The following TRAM2 variants were observed in gnomAD, a reference collection of about 807,000 sequenced individuals.
TRAM2 encodes translocating chain-associated membrane protein 2.
TRAM2 carries 12 observed loss-of-function variants against 51.0 expected under a neutral mutation model. That is an observed-to-expected ratio of 0.24 (90% CI 0.15 to 0.38). TRAM2 has a LOEUF of 0.38. Ranked by LOEUF, TRAM2 falls within the 10% of genes least tolerant of loss-of-function variation. TRAM2 has a pLI of 1.00. For synonymous variants in TRAM2, 175 were observed against 179.4 expected (o/e 0.98, Z 0.20); for missense variants, 361 against 462.0 (o/e 0.78, Z 2.00).
At chr6:52,528,461 A>G (rs2114080625) in intron 2 of TRAM2, among the ~76,000 whole-genome samples, 1 of 152,184 alleles carries the variant, frequency 6.6e-6, no homozygotes, top group East Asian at 1.9e-4. Context: ...TATATGATAC[A>G]AGCAGGAGAC....
At chr6:52,513,073 G>A (rs565895880) in intron 4 of TRAM2, among the ~76,000 whole-genome samples, 2 of 152,132 alleles carry the variant, frequency 1.3e-5, no homozygotes, top group African/African-American at 2.4e-5. Context: ...ATGAGTAGTC[G>A]ATCAAAGGTA....
intron 2 of TRAM2, among the ~76,000 whole-genome samples, chr6:52,517,680 C>A (rs1219649650): frequency 6.6e-6 from 1 of 152,242 alleles, no homozygotes; most frequent in African/African-American, 2.4e-5. Context: ...GCAACCCCCA[C>A]CTCCACCAGG....
chr6:52,547,476 C>G (rs75941132), intron 1 of TRAM2, among the ~76,000 whole-genome samples: 12,928 of 152,206 alleles, frequency 0.085, 757 homozygotes, highest in Non-Finnish European at 0.12. Flanking sequence ...AATAAACACC[C>G]CATGAATTAA....
intron 2 of TRAM2, among the ~76,000 whole-genome samples, chr6:52,520,426 G>A (rs1374176456): frequency 6.6e-6 from 1 of 152,242 alleles, no homozygotes; most frequent in African/African-American, 2.4e-5. Flanking sequence ...GAAGGTGCCC[G>A]TGGGAATTCC....
intron 1 of TRAM2, among the ~76,000 whole-genome samples, chr6:52,556,003 G>A (rs1767398878): frequency 2.6e-5 from 4 of 152,072 alleles, no homozygotes; most frequent in African/African-American, 9.7e-5. Context: ...GTTAGGTCAC[G>A]CCTCAGTATA....
At position 52,501,365 on chromosome 6, in the gene TRAM2, ACTTGGAGAAGGGGAGTTGC is replaced by A. The variant is rs1465881070; in HGVS notation, c.*1813_*1831del. On this transcript the variant is annotated 3_prime_UTR_variant, in exon 11 of 11. Coordinates refer to ENST00000182527, the MANE Select transcript of TRAM2 (RefSeq NM_012288.4). ...CTAAAATTTATCTATGATGTAAGTG[ACTTGGAGAAGGGGAGTTGC>A]CTTGATGAAAAGACCCATTTCCCCC... 6.6e-6 allele frequency: 1 copy of A among 152,150 alleles called. No individual in the cohort carries two copies. The highest frequency in any genetic ancestry group is 2.4e-5 in the African/African-American group (1 of 41,420). 9.4% of individuals were successfully genotyped at this position (152,150 alleles called of 1,614,324 possible). A position where few individuals can be genotyped will look rare whatever the true frequency, so the allele number is the denominator to read the frequency against.
intron 4 of TRAM2, among the ~76,000 whole-genome samples, chr6:52,515,536 T>A (rs1174972959): frequency 6.6e-6 from 1 of 152,212 alleles, no homozygotes; most frequent in Non-Finnish European, 1.5e-5. Flanking sequence ...AAGCTGGGCT[T>A]GGAACTCTAT....
At chr6:52,555,776 A>G (rs73429518) in intron 1 of TRAM2, among the ~76,000 whole-genome samples, 2,179 of 152,286 alleles carry the variant, frequency 0.014, 42 homozygotes, top group African/African-American at 0.049. Context: ...ATTGAGTGGG[A>G]AAAAAATCAG....
intron 9 of TRAM2, among the ~76,000 whole-genome samples, chr6:52,505,327 G>A (rs907532831): frequency 6.6e-6 from 1 of 152,224 alleles, no homozygotes; most frequent in Non-Finnish European, 1.5e-5. Flanking sequence ...GAGACTGGGT[G>A]TGATGCCTCT....
At chr6:52,515,290 A>T (rs1301888995) in intron 4 of TRAM2, among the ~76,000 whole-genome samples, 2 of 152,246 alleles carry the variant, frequency 1.3e-5, no homozygotes, top group Non-Finnish European at 2.9e-5. Flanking sequence ...TCCTAGCAGG[A>T]CAGGCAAGGT....
intron 2 of TRAM2, among the ~76,000 whole-genome samples, chr6:52,531,541 T>C (rs1766892199): frequency 6.6e-6 from 1 of 152,154 alleles, no homozygotes; most frequent in Non-Finnish European, 1.5e-5. Context: ...AGGAGCAGAA[T>C]TCAATAGTGC....
intron 1 of TRAM2, among the ~76,000 whole-genome samples, chr6:52,554,545 A>C (rs1217764181): frequency 6.6e-6 from 1 of 151,152 alleles, no homozygotes; most frequent in Non-Finnish European, 1.5e-5. Flanking sequence ...AAAAGAAAGA[A>C]AGAAAACCAA....
chr6:52,521,866 T>C lies in TRAM2; in HGVS notation c.185-5129A>G, dbSNP rs141688855. On this transcript the variant is annotated intron_variant, in intron 2 of 10. Coordinates refer to ENST00000182527, the MANE Select transcript of TRAM2 (RefSeq NM_012288.4). ...AAAAAGAACAGCAATCGTTTGGCAA[T>C]AATCTATTCTATTTTTTTAGAAGAA... is the stretch of plus-strand genomic sequence containing the variant. Among the ~76,000 whole-genome samples, 406 of 152,302 alleles carry C rather than the reference T, an allele frequency of 2.7e-3. 1 individual carries two copies. The highest frequency in any genetic ancestry group is 8.8e-3 in the African/African-American group (366 of 41,560).
In TRAM2 at chr6:52,516,358, C is replaced by CCAATTA. The variant is rs2114070282; in HGVS notation, c.295-242_295-237dup. The CCAATTA allele has an allele frequency of 1.0e-5, 6 of 590,640 alleles. 1 individual carries two copies. Among genetic ancestry groups the CCAATTA allele is most frequent in the Middle Eastern group, 9.0e-4 (2 of 2,224 alleles). 36.6% of individuals were successfully genotyped at this position (590,640 alleles called of 1,614,324 possible). A position where few individuals can be genotyped will look rare whatever the true frequency, so the allele number is the denominator to read the frequency against. The stretch of plus-strand genomic sequence containing the variant: ...TAGCCTATGTGTAAAGAAAATAACC[C>CCAATTA]CAATTACTCAATGTGCCCCAGACCC... On this transcript the variant is annotated intron_variant, in intron 3 of 10. Coordinates refer to ENST00000182527, the MANE Select transcript of TRAM2 (RefSeq NM_012288.4).
At position 52,499,929 on chromosome 6, in the gene TRAM2, AG is replaced by A. The variant is rs1454368947; in HGVS notation, c.*3267del. The A allele has an allele frequency of 2.0e-5, 3 of 152,258 alleles. No individual in the cohort carries two copies. The highest frequency in any genetic ancestry group is 4.4e-5 in the Non-Finnish European group (3 of 68,102). The allele number at this position is 152,258 out of a possible 1,614,324, so 9.4% of individuals were successfully genotyped here. ...CCCAGAACCATCCCCTACCTTCAAA[AG>A]GAACACATGCAATTTATTAATAGTG... On this transcript the variant is annotated 3_prime_UTR_variant, in exon 11 of 11. Transcript: ENST00000182527.
At chr6:52,504,514 C>T in intron 10 of TRAM2, 77 bp downstream of exon 10, 1 of 1,591,418 alleles carries the variant, frequency 6.3e-7, no homozygotes, top group South Asian at 1.1e-5. Flanking sequence ...CCCAAGAAGC[C>T]AGGTGCCTTG....
intron 2 of TRAM2, chr6:52,517,017 A>G: frequency 5.3e-6 from 2 of 374,748 alleles, no homozygotes; most frequent in South Asian, 6.2e-5. Flanking sequence ...GTTATAACAG[A>G]GCCAGGGTTA....
chr6:52,510,062 C>T (rs1055911432), intron 4 of TRAM2, among the ~76,000 whole-genome samples: 6 of 152,266 alleles, frequency 3.9e-5, no homozygotes, highest in Middle Eastern at 3.4e-3. Flanking sequence ...AATCACCACT[C>T]GCTGGAAAAA....
At chr6:52,514,418 G>A (rs1027606607) in intron 4 of TRAM2, among the ~76,000 whole-genome samples, 5 of 152,110 alleles carry the variant, frequency 3.3e-5, no homozygotes, top group East Asian at 3.9e-4. Context: ...GGAGCTTTCC[G>A]TGGTCCCCTG....
Sources: gnomAD v4.1 joint callset for allele counts (sites outside exome capture counted in the v4.1 genomes callset) on GRCh38, gnomAD v4.1.1 for gene constraint, MANE v1.5 for transcripts, NCBI Gene and HGNC (gene_info 2026-07-23, HGNC 2026-07-21) for gene names.